ZNF398: variants seen among roughly 807,000 people sequenced by gnomAD.
The protein encoded by ZNF398 is zinc finger DNA binding protein ZER6.
A neutral mutation model predicts 41.9 loss-of-function variants in ZNF398; 18 were observed. The ratio of observed to expected loss-of-function variants is 0.43; its 90% CI spans 0.30 to 0.64. The LOEUF is 0.64. Among genes scored for constraint, ZNF398 ranks in the 30% least tolerant of loss-of-function variants. The pLI is 0.14. For synonymous variants in ZNF398, 260 were observed against 308.8 expected (o/e 0.84, Z 1.66); for missense variants, 669 against 822.8 (o/e 0.81, Z 2.29).
chr7:149,143,736 C>T (rs745875556), upstream of ZNF398, among the ~76,000 whole-genome samples: 18 of 152,074 alleles, frequency 1.2e-4, no homozygotes, highest in Non-Finnish European at 1.9e-4. Context: ...CACTTGAACC[C>T]GGGAGGCAGA....
In ZNF398 at chr7:149,181,465, C is replaced by T. The variant is rs78059620; in HGVS notation, c.*1664C>T. 2 of 152,158 alleles carry T rather than the reference C, an allele frequency of 1.3e-5. No homozygotes were observed. Among genetic ancestry groups the T allele is most frequent in the Admixed American group, 6.5e-5 (1 of 15,280 alleles). The allele number at this position is 152,158 out of a possible 1,614,324, so 9.4% of individuals were successfully genotyped here. A position where few individuals can be genotyped will look rare whatever the true frequency, so the allele number is the denominator to read the frequency against. On this transcript the variant is annotated 3_prime_UTR_variant, in exon 6 of 6. Coordinates refer to ENST00000475153, the MANE Select transcript of ZNF398 (RefSeq NM_170686.3). The stretch of plus-strand genomic sequence containing the variant: ...AGAACAAGGTCTGGAAATGTTTAGA[C>T]AGGATATTTTCTTGATGAAGTGATA...
At chr7:149,153,794 C>T (rs1794910065) in intron 1 of ZNF398, 151 bp from the exon 2 acceptor site, 4 of 911,298 alleles carry the variant, frequency 4.4e-6, no homozygotes, top group Non-Finnish European at 6.4e-6. Context: ...TGCCAGTGAG[C>T]TCCAGAAAGA....
intron 2 of ZNF398, among the ~76,000 whole-genome samples, chr7:149,159,144 A>G (rs1262363954): frequency 1.3e-5 from 2 of 151,310 alleles, no homozygotes; most frequent in Non-Finnish European, 2.9e-5. Flanking sequence ...ACGCCTGGTT[A>G]ATTTTTGAAT....
intron 4 of ZNF398, among the ~76,000 whole-genome samples, chr7:149,174,119 C>T (rs1416479574): frequency 6.6e-6 from 1 of 151,920 alleles, no homozygotes; most frequent in African/African-American, 2.4e-5. Context: ...CTTAAGAGCC[C>T]TAGGGTTTTC....
At chr7:149,171,579 C>T (rs1458289487) in intron 4 of ZNF398, among the ~76,000 whole-genome samples, 1 of 152,034 alleles carries the variant, frequency 6.6e-6, no homozygotes, top group Admixed American at 6.6e-5. Flanking sequence ...ACCATGTTGG[C>T]CAGGCTGGTC....
At chr7:149,138,958 C>G (rs745932034) in intron 2 of ZNF398, among the ~76,000 whole-genome samples, 44 of 146,522 alleles carry the variant, frequency 3.0e-4, no homozygotes, top group Admixed American at 4.2e-4. Context: ...TGTCACCAGG[C>G]TGGAGTACAG....
intron 4 of ZNF398, among the ~76,000 whole-genome samples, chr7:149,173,091 CTAT>C (rs1284798480): frequency 0.01 from 685 of 66,822 alleles, 3 homozygotes; most frequent in Non-Finnish European, 0.012. Flanking sequence ...GTGGCAATTT[CTAT>C]TTTTTTTTTT....
At chr7:149,152,284 G>C (rs778093016) in intron 1 of ZNF398, among the ~76,000 whole-genome samples, 1 of 131,132 alleles carries the variant, frequency 7.6e-6, no homozygotes, top group Non-Finnish European at 1.6e-5. Context: ...TTTTTGAGAC[G>C]GAGTTTCACT....
At chr7:149,161,106 T>C (rs1202444) in intron 2 of ZNF398, among the ~76,000 whole-genome samples, 130,973 of 152,010 alleles carry the variant, frequency 0.86, 56,564 homozygotes, top group Middle Eastern at 0.96. Flanking sequence ...TGCCCTGCCT[T>C]CTCCCTGTCC....
chr7:149,130,797 A>G (rs1826580351), intron 2 of ZNF398, among the ~76,000 whole-genome samples: 1 of 152,186 alleles, frequency 6.6e-6, no homozygotes, highest in African/African-American at 2.4e-5. Flanking sequence ...GTTACTGCTG[A>G]GGAGATGGGA....
At chr7:149,163,475 C>T (rs13247381) in intron 2 of ZNF398, among the ~76,000 whole-genome samples, 2 of 151,408 alleles carry the variant, frequency 1.3e-5, no homozygotes, top group African/African-American at 4.9e-5. Flanking sequence ...CGAGTTCAAG[C>T]GATTCTCCTG....
At chr7:149,148,891 TAGCTCATCAGCTATCATGATCAG>T (rs1827036421) in intron 1 of ZNF398, among the ~76,000 whole-genome samples, 1 of 145,194 alleles carries the variant, frequency 6.9e-6, no homozygotes, top group African/African-American at 2.5e-5. Context: ...TTTTTTTTTT[TAGCTCATCAGCTATCATGATCAG>T]TATTTTATGT....
chr7:149,154,281 C>G lies in ZNF398; in HGVS notation c.361C>G (p.Arg121Gly), dbSNP rs763270519. The stretch of plus-strand genomic sequence containing the variant: ...GCTGGAGAACTTGGAGAACCTGCTG[C>G]GCAACAGGAACTTCTGGATCCTGCG... ...RRLENLENLLRNRNFWILRLP... is the reference protein window; with the variant it reads ...RRLENLENLLGNRNFWILRLP... The change falls in exon 2 of 6, where the codon CGC (arginine) becomes GGC (glycine). Residue 121 changes from arginine to glycine, a missense_variant. Around this residue, in one of 3 missense-constraint regions of ZNF398, gnomAD observed 169 missense variants for 239.5 expected, o/e 0.71. Coordinates refer to ENST00000475153, the MANE Select transcript of ZNF398 (RefSeq NM_170686.3). 1 of 1,614,060 alleles carries G rather than the reference C, an allele frequency of 6.2e-7. No individual in the cohort carries two copies. The highest frequency in any genetic ancestry group is 8.5e-7 in the Non-Finnish European group (1 of 1,180,004).
upstream of ZNF398, among the ~76,000 whole-genome samples, chr7:149,142,560 G>A (rs539259760): frequency 7.7e-4 from 118 of 152,304 alleles, no homozygotes; most frequent in African/African-American, 2.4e-3. Flanking sequence ...CCAGCTACTC[G>A]GGAGGCTGAG....
chr7:149,158,850 A>G (rs1161932390), intron 2 of ZNF398, among the ~76,000 whole-genome samples: 1 of 151,310 alleles, frequency 6.6e-6, no homozygotes, highest in African/African-American at 2.4e-5. Context: ...AAAAAAAAAG[A>G]AAATTAGTAT....
At chr7:149,176,238 G>A (rs533494038) in intron 4 of ZNF398, among the ~76,000 whole-genome samples, 2 of 152,218 alleles carry the variant, frequency 1.3e-5, no homozygotes, top group East Asian at 1.9e-4. Context: ...AGCTACTCGG[G>A]AGGCTGAGGC....
chr7:149,142,424 T>C (rs1003709561), intron 2 of ZNF398, among the ~76,000 whole-genome samples: 12 of 152,252 alleles, frequency 7.9e-5, no homozygotes, highest in African/African-American at 1.9e-4. Context: ...TCCCAGCACT[T>C]TGGGAGGCCG....
chr7:149,142,091 G>A (rs1023734155), intron 2 of ZNF398, among the ~76,000 whole-genome samples: 1 of 152,082 alleles, frequency 6.6e-6, no homozygotes, highest in African/African-American at 2.4e-5. Context: ...TGAGATTACA[G>A]AGGTGAGTCA....
At chr7:149,130,657 C>T (rs576749201) in intron 2 of ZNF398, among the ~76,000 whole-genome samples, 9 of 152,190 alleles carry the variant, frequency 5.9e-5, no homozygotes, top group East Asian at 1.9e-4. Context: ...TTAAAAAAAC[C>T]GTTAGACATT....
Sources: gnomAD v4.1 joint callset for allele counts (sites outside exome capture counted in the v4.1 genomes callset) on GRCh38, gnomAD v4.1.1 for gene constraint, gnomAD v4.1.1 regional missense constraint, MANE v1.5 for transcripts, NCBI Gene and HGNC (gene_info 2026-07-23, HGNC 2026-07-21) for gene names.